DCC: variants seen among roughly 807,000 people sequenced by gnomAD.
DCC encodes the protein netrin receptor DCC.
DCC carries 58 observed loss-of-function variants against 172.5 expected under a neutral mutation model. That is an observed-to-expected ratio of 0.34 (90% CI 0.27 to 0.42). The LOEUF is 0.42. Ranked by LOEUF, DCC falls within the 10% of genes least tolerant of loss-of-function variation. DCC has a pLI of 1.00. For synonymous variants in DCC, 709 were observed against 644.5 expected (o/e 1.10, Z -1.52); for missense variants, 1,740 against 1,791.0 (o/e 0.97, Z 0.51).
At chr18:53,224,619 A>C (rs1235895166) in intron 12 of DCC, among the ~76,000 whole-genome samples, 2 of 152,102 alleles carry the variant, frequency 1.3e-5, no homozygotes, top group East Asian at 3.9e-4. Context: ...GAGTCATAGG[A>C]GGTGATGGAG....
At chr18:52,560,845 T>C (rs1001459411) in intron 1 of DCC, among the ~76,000 whole-genome samples, 2 of 152,220 alleles carry the variant, frequency 1.3e-5, no homozygotes, top group African/African-American at 4.8e-5. Context: ...AAGTATTTGC[T>C]TATTTTCTTA....
At position 52,441,030 on chromosome 18, in the gene DCC, C is replaced by G. The variant is rs75402288; in HGVS notation, c.91+100152C>G. Among the ~76,000 whole-genome samples the G allele has an allele frequency of 8.9e-4, 136 of 152,316 alleles. 2 individuals carry two copies. In the East Asian group the frequency reaches 0.024, roughly 26 times the overall value. On this transcript the variant is annotated intron_variant, in intron 1 of 28. Coordinates refer to ENST00000442544, the MANE Select transcript of DCC (RefSeq NM_005215.4). ...ACTTGATAGGGACTTAATGGCAAAT[C>G]TGTGGGTACATTTGTCTTTTTCAAG...
At chr18:52,917,542 C>T (rs534950341) in intron 3 of DCC, among the ~76,000 whole-genome samples, 2 of 152,062 alleles carry the variant, frequency 1.3e-5, no homozygotes, top group Non-Finnish European at 2.9e-5. Context: ...TGGTCATCCT[C>T]AACTCAGGTA....
At chr18:52,879,160 T>C (rs762955171) in intron 2 of DCC, among the ~76,000 whole-genome samples, 1 of 152,172 alleles carries the variant, frequency 6.6e-6, no homozygotes, top group Non-Finnish European at 1.5e-5. Flanking sequence ...AAATTGGACC[T>C]AAAGGAAAGT....
chr18:52,382,061 G>C (rs747900600), intron 1 of DCC, among the ~76,000 whole-genome samples: 2 of 152,094 alleles, frequency 1.3e-5, no homozygotes, highest in Non-Finnish European at 2.9e-5. Context: ...TAATAGCCAA[G>C]TCAAAGAAGC....
At chr18:52,603,035 G>A (rs1366362966) in intron 1 of DCC, among the ~76,000 whole-genome samples, 2 of 152,052 alleles carry the variant, frequency 1.3e-5, no homozygotes, top group African/African-American at 2.4e-5. Flanking sequence ...TTCCTTGGAT[G>A]AGTCAAAACA....
rs2046566297 is a variant in DCC, at chr18:53,535,592, T to C, written c.*4939T>C. ...AGTGAGAAAAGAAATTTTTTGTTGT[T>C]ACAAAACACCTTTTTTAACAAAAAG... On this transcript the variant is annotated 3_prime_UTR_variant, in exon 29 of 29. Coordinates refer to ENST00000442544, the MANE Select transcript of DCC (RefSeq NM_005215.4). 1 of 152,218 alleles carries C rather than the reference T, an allele frequency of 6.6e-6. No homozygotes were observed. The highest frequency in any genetic ancestry group is 2.4e-5 in the African/African-American group (1 of 41,454). 9.4% of individuals were successfully genotyped at this position (152,218 alleles called of 1,614,324 possible). A position where few individuals can be genotyped will look rare whatever the true frequency, so the allele number is the denominator to read the frequency against.
intron 2 of DCC, among the ~76,000 whole-genome samples, chr18:52,787,689 G>T (rs900925063): frequency 2.0e-5 from 3 of 152,082 alleles, no homozygotes; most frequent in Admixed American, 6.6e-5. Flanking sequence ...GCTCAGGGAA[G>T]ATAATTTGGA....
At chr18:52,633,158 G>T (rs913788982) in intron 1 of DCC, among the ~76,000 whole-genome samples, 1 of 151,122 alleles carries the variant, frequency 6.6e-6, no homozygotes, top group Non-Finnish European at 1.5e-5. Flanking sequence ...GTCCTGTCCT[G>T]TCCTGTCCTT....
At chr18:53,099,992 G>A (rs542498045) in intron 7 of DCC, among the ~76,000 whole-genome samples, 160 of 129,716 alleles carry the variant, frequency 1.2e-3, no homozygotes, top group Middle Eastern at 5.1e-3. Context: ...TGTTGCACAG[G>A]CTGGAGTGCA....
intron 1 of DCC, among the ~76,000 whole-genome samples, chr18:52,498,801 C>G (rs942675438): frequency 1.3e-5 from 2 of 152,084 alleles, no homozygotes; most frequent in African/African-American, 4.8e-5. Context: ...AAAGAAACCT[C>G]TGATGTCTCT....
intron 1 of DCC, among the ~76,000 whole-genome samples, chr18:52,692,150 G>T (rs2035938707): frequency 1.3e-5 from 2 of 152,110 alleles, no homozygotes; most frequent in Admixed American, 6.6e-5. Context: ...TAGGAGGTGG[G>T]CTTTGGCCCT....
intron 12 of DCC, among the ~76,000 whole-genome samples, chr18:53,216,878 A>C (rs2055859939): frequency 6.6e-6 from 1 of 152,200 alleles, no homozygotes; most frequent in East Asian, 1.9e-4. Context: ...TTTTATCTGC[A>C]ACAACACTGC....
intron 1 of DCC, among the ~76,000 whole-genome samples, chr18:52,454,490 G>GT (rs148763685): frequency 0.063 from 9,365 of 148,016 alleles, 859 homozygotes; most frequent in African/African-American, 0.2. Flanking sequence ...CTTTGAACTA[G>GT]TTTTTTTTTT....
At chr18:53,178,728 A>G (rs1390401864) in intron 8 of DCC, among the ~76,000 whole-genome samples, 1 of 152,176 alleles carries the variant, frequency 6.6e-6, no homozygotes, top group Non-Finnish European at 1.5e-5. Context: ...TGCAAGTTTC[A>G]TGGAAAATGA....
rs572149130 is a variant in DCC at position 52,735,947 on chromosome 18, G to C, written c.92-16107G>C. On this transcript the variant is annotated intron_variant, in intron 1 of 28. Transcript: ENST00000442544. ...ATGAGGATTTTCCAGAATCACAGTA[G>C]CTAAGAGGCAGTCTATATCAAATAT... Among the ~76,000 whole-genome samples, 9 of 152,272 alleles carry C rather than the reference G, an allele frequency of 5.9e-5. No homozygotes were observed. In the South Asian group the frequency reaches 1.9e-3, roughly 32 times the overall value.
chr18:52,456,013 C>G (rs967539844), intron 1 of DCC, among the ~76,000 whole-genome samples: 5 of 152,134 alleles, frequency 3.3e-5, no homozygotes, highest in African/African-American at 1.2e-4. Context: ...TTTGGTTTTC[C>G]TGCCTTAGCT....
At chr18:53,079,665 G>C (rs1327519545) in intron 7 of DCC, among the ~76,000 whole-genome samples, 1 of 152,134 alleles carries the variant, frequency 6.6e-6, no homozygotes, top group Non-Finnish European at 1.5e-5. Context: ...AAAGGAGATA[G>C]CACAAAGGAG....
intron 1 of DCC, among the ~76,000 whole-genome samples, chr18:52,406,819 A>G (rs1986670269): frequency 6.6e-6 from 1 of 152,090 alleles, no homozygotes; most frequent in African/African-American, 2.4e-5. Flanking sequence ...GTAGCAATCT[A>G]TGTAGGTAGA....
Sources: allele counts gnomAD v4.1 joint callset (sites outside exome capture counted in the v4.1 genomes callset), GRCh38; gene constraint gnomAD v4.1.1; transcripts MANE v1.5; gene names NCBI Gene and HGNC (gene_info 2026-07-23, HGNC 2026-07-21).